The following GFI1 variants were observed in gnomAD, a reference collection of about 807,000 sequenced individuals.
GFI1 encodes the protein zinc finger protein Gfi-1.
GFI1 carries 15 observed loss-of-function variants against 39.2 expected under a neutral mutation model. The ratio of observed to expected loss-of-function variants is 0.38; its 90% CI spans 0.26 to 0.59. The LOEUF (loss-of-function observed/expected upper bound fraction) is 0.59. Among genes scored for constraint, GFI1 ranks in the 20% least tolerant of loss-of-function variants. The pLI is 0.62. For missense variants in GFI1, 475 were observed against 574.0 expected (o/e 0.83, Z 1.76); for synonymous variants, 239 against 254.3 (o/e 0.94, Z 0.57).
At position 92,473,177 on chromosome 1, in the gene GFI1, CAAAAAAA is replaced by C. The variant is rs55814509; in HGVS notation, c.*2845_*2851del. Among the ~76,000 whole-genome samples the C allele has an allele frequency of 9.2e-6, 1 of 108,990 alleles. No homozygotes were observed. The highest frequency in any genetic ancestry group is 2.0e-5 in the Non-Finnish European group (1 of 51,042). 71.5% of individuals were successfully genotyped at this position (108,990 alleles called of 152,430 possible). On this transcript the variant is annotated 3_prime_UTR_variant, in exon 7 of 7. Transcript: ENST00000294702. Reference sequence around the variant, plus strand: ...GGGGATATCAAGATACATTTTTTACCAAAAAAAAAAAAAAAAGGCATACAGTTAACAT... The same window carrying C: ...GGGGATATCAAGATACATTTTTTACCAAAAAAAAAGGCATACAGTTAACAT...
chr1:92,480,251 G>T lies in GFI1; in HGVS notation c.924+97C>A. ...GGGGGAGGAAACTGGGGGAAGTCGAGGAGAAAACTTCCAGGCAGAGAGTGG... is the reference window on the plus strand; with the variant it reads ...GGGGGAGGAAACTGGGGGAAGTCGATGAGAAAACTTCCAGGCAGAGAGTGG... On this transcript the variant is annotated intron_variant, in intron 5 of 6. Coordinates refer to ENST00000294702, the MANE Select transcript of GFI1 (RefSeq NM_005263.5). This position sits in a 1 kb window ranked among gnomAD's most constrained non-coding sequence, Gnocchi z 5.6. The T allele has an allele frequency of 7.4e-7, 1 of 1,342,756 alleles. No individual in the cohort carries two copies. Among genetic ancestry groups the T allele is most frequent in the Non-Finnish European group, 1.0e-6 (1 of 972,658 alleles). The allele number at this position is 1,342,756 out of a possible 1,614,324, so 83.2% of individuals were successfully genotyped here.
At chr1:92,483,673 G>A (rs1209977870) in intron 1 of GFI1, 87 bp from the exon 2 acceptor site, 20 of 648,310 alleles carry the variant, frequency 3.1e-5, no homozygotes, top group Non-Finnish European at 5.1e-5. Flanking sequence ...GAGAGCGCGG[G>A]CCAGGGAGGC....
In GFI1 at chr1:92,480,804, G is replaced by T; in HGVS notation, c.583C>A (p.Pro195Thr). The T allele has an allele frequency of 6.3e-7, 1 of 1,585,704 alleles. No individual in the cohort carries two copies. The highest frequency in any genetic ancestry group is 2.0e-4 in the Middle Eastern group (1 of 4,978). The change falls in exon 4 of 7, where the codon CCT (proline) becomes ACT (threonine). Residue 195 changes from proline to threonine, a missense_variant. By Grantham distance (38) the Pro-to-Thr change is conservative. Coordinates refer to ENST00000294702, the MANE Select transcript of GFI1 (RefSeq NM_005263.5). The surrounding 1 kb of genome is among the most constrained non-coding windows in gnomAD (Gnocchi z 5.6). ...AAGTCGCCGTAGAGCCCTAGGCCAGGGCCAGCGGTGGCACCGGCCCCTGCG... is the reference window on the plus strand; with the variant it reads ...AAGTCGCCGTAGAGCCCTAGGCCAGTGCCAGCGGTGGCACCGGCCCCTGCG... ...CSAGAGATAG[P>T]GLGLYGDFGS...
intron 1 of GFI1, 86 bp from the exon 2 acceptor site, chr1:92,483,672 G>A (rs1257951511): frequency 3.1e-6 from 2 of 648,414 alleles, no homozygotes; most frequent in Non-Finnish European, 2.8e-6. Flanking sequence ...GGAGAGCGCG[G>A]GCCAGGGAGG....
rs1445896884 is a variant in GFI1 at position 92,473,384 on chromosome 1, T to C, written c.*2645A>G. 2.6e-5 allele frequency among the ~76,000 whole-genome samples: 4 copies of C among 152,158 alleles called. No individual in the cohort carries two copies. In the East Asian group the frequency reaches 7.7e-4, roughly 29 times the overall value. On this transcript the variant is annotated 3_prime_UTR_variant, in exon 7 of 7. Transcript: ENST00000294702. ...AACCAGGTTGGAAATAACCAACCAGTACACAGGGTGACTTCTGTGGGAAGG... is the reference window on the plus strand; with the variant it reads ...AACCAGGTTGGAAATAACCAACCAGCACACAGGGTGACTTCTGTGGGAAGG...
chr1:92,479,312 G>C (rs994555607), intron 5 of GFI1, among the ~76,000 whole-genome samples: 3 of 152,176 alleles, frequency 2.0e-5, no homozygotes, highest in Admixed American at 1.3e-4. Context: ...TCAGTCACTT[G>C]AGATGCCACC....
At chr1:92,477,459 C>G (rs1267184480) in intron 6 of GFI1, among the ~76,000 whole-genome samples, 1 of 152,198 alleles carries the variant, frequency 6.6e-6, no homozygotes, top group East Asian at 1.9e-4. Context: ...TTAGAATACA[C>G]TGTGATTTGT....
Position 92,480,462 on chromosome 1 carries a change from G to A in GFI1, c.810C>T (p.Leu270=). ...CSKVFSTPHG[L]EVHVRRSHSG... ...TGTGGGACCTGCGCACGTGCACCTC[G>A]AGCCCGTGCGGCGTGGAGAACACCT... Residue 270 remains leucine (L), a synonymous_variant, in exon 5 of 7, where the codon CTC becomes CTT. Transcript: ENST00000294702. This position sits in a 1 kb window ranked among gnomAD's most constrained non-coding sequence, Gnocchi z 5.6. The A allele has an allele frequency of 1.3e-6, 2 of 1,550,264 alleles. No individual in the cohort carries two copies. The highest frequency in any genetic ancestry group is 1.7e-6 in the Non-Finnish European group (2 of 1,146,620).
At chr1:92,479,704 T>C (rs1357964685) in intron 5 of GFI1, among the ~76,000 whole-genome samples, 11 of 152,052 alleles carry the variant, frequency 7.2e-5, no homozygotes, top group Admixed American at 7.2e-4. Flanking sequence ...ACACAAAAAT[T>C]AGCTGTGCTG....
chr1:92,479,965 G>A (rs1240870265), intron 5 of GFI1, among the ~76,000 whole-genome samples: 1 of 152,174 alleles, frequency 6.6e-6, no homozygotes, highest in Non-Finnish European at 1.5e-5. Context: ...TTTCAGTCGA[G>A]AGGGGTCAAT....
Position 92,483,527 on chromosome 1 carries a change from T to G in GFI1, c.-40A>C. ...TTCCCCACTGCGCCCCAAGAGTCCC[T>G]GGAGCCGCTGTCACCCACGGTCACT... On this transcript the variant is annotated 5_prime_UTR_variant, in exon 2 of 7. Coordinates refer to ENST00000294702, the MANE Select transcript of GFI1 (RefSeq NM_005263.5). The G allele has an allele frequency of 8.4e-7, 1 of 1,189,860 alleles. No individual in the cohort carries two copies. The allele number at this position is 1,189,860 out of a possible 1,614,324, so 73.7% of individuals were successfully genotyped here.
rs1657869037 is a variant in GFI1, at chr1:92,474,562, A to ATGAAAGAAGT, written c.*1457_*1466dup. ...CCTAGTTTTTCTCTTATGAAAGAAG[A>ATGAAAGAAGT]TGAAAGAAGTATCTCTGAGGTGTAG... is the stretch of plus-strand genomic sequence containing the variant. On this transcript the variant is annotated 3_prime_UTR_variant, in exon 7 of 7. Transcript: ENST00000294702. 6.6e-6 allele frequency among the ~76,000 whole-genome samples: 1 copy of ATGAAAGAAGT among 152,226 alleles called. No homozygotes were observed. The highest frequency in any genetic ancestry group is 2.4e-5 in the African/African-American group (1 of 41,462).
chr1:92,475,781 A>G lies in GFI1; in HGVS notation c.*248T>C. 1.8e-6 allele frequency: 1 copy of G among 541,256 alleles called. No individual in the cohort carries two copies. Among genetic ancestry groups the G allele is most frequent in the Non-Finnish European group, 3.3e-6 (1 of 299,230 alleles). 33.5% of individuals were successfully genotyped at this position (541,256 alleles called of 1,614,324 possible). On this transcript the variant is annotated 3_prime_UTR_variant, in exon 7 of 7. Coordinates refer to ENST00000294702, the MANE Select transcript of GFI1 (RefSeq NM_005263.5). ...TTTGTCTTCAGGTGTAGAGGAGCCT[A>G]TTTGTGTCCGAAGCCTAGAGAGTCA...
rs7547145 is a variant in GFI1, at chr1:92,482,025, G to A, written c.298+839C>T. 6.8e-3 allele frequency among the ~76,000 whole-genome samples: 1,037 copies of A among 151,958 alleles called. 16 individuals carry two copies. The highest frequency in any genetic ancestry group is 0.024 in the African/African-American group (990 of 41,428). The stretch of plus-strand genomic sequence containing the variant: ...CCCGGAGTTTCGTTCGGAGGGGTTC[G>A]GGGCGCGCCCAATCCTTGTCTGGCC... On this transcript the variant is annotated intron_variant, in intron 3 of 6. Transcript: ENST00000294702. The surrounding 1 kb of genome is among the most constrained non-coding windows in gnomAD (Gnocchi z 4.4).
intron 1 of GFI1, chr1:92,486,065 T>C (rs1658514271): frequency 6.6e-6 from 1 of 152,130 alleles, no homozygotes; most frequent in Admixed American, 6.5e-5. Flanking sequence ...AAACGGAATC[T>C]TGCTTTCGGG....
intron 5 of GFI1, among the ~76,000 whole-genome samples, chr1:92,479,660 TG>T (rs1415867272): frequency 6.6e-6 from 1 of 152,170 alleles, no homozygotes; most frequent in Non-Finnish European, 1.5e-5. Flanking sequence ...GTGACCAGCC[TG>T]GCTAACGTGG....
chr1:92,483,238 A>T, intron 2 of GFI1, 135 bp downstream of exon 2: 1 of 733,012 alleles, frequency 1.4e-6, no homozygotes, highest in Non-Finnish European at 2.3e-6. Flanking sequence ...ACCCGGAGGA[A>T]CCAGGACAGT....
Position 92,480,274 on chromosome 1 carries a change from T to C in GFI1, c.924+74A>G, listed in dbSNP as rs1178351706. 5 of 1,476,326 alleles carry C rather than the reference T, an allele frequency of 3.4e-6. No individual in the cohort carries two copies. Among genetic ancestry groups the C allele is most frequent in the Non-Finnish European group, 4.6e-6 (5 of 1,092,948 alleles). The allele number at this position is 1,476,326 out of a possible 1,614,324, so 91.5% of individuals were successfully genotyped here. ...GAGGAGAAAACTTCCAGGCAGAGAG[T>C]GGCTGGTGCTGCACCGAGGAGATGC... On this transcript the variant is annotated intron_variant, in intron 5 of 6. Transcript: ENST00000294702. This position sits in a 1 kb window ranked among gnomAD's most constrained non-coding sequence, Gnocchi z 5.6.
rs375542251 is a variant in GFI1 at position 92,482,428 on chromosome 1, C to CA, written c.298+435_298+436insT. ...GCGGGCTGAGATTTTCGTCCTGCCCCCTCCCTGCCGCCCAGCGCCTAGCTC... is the reference window on the plus strand; with the variant it reads ...GCGGGCTGAGATTTTCGTCCTGCCCCACTCCCTGCCGCCCAGCGCCTAGCTC... On this transcript the variant is annotated intron_variant, in intron 3 of 6. Coordinates refer to ENST00000294702, the MANE Select transcript of GFI1 (RefSeq NM_005263.5). The surrounding 1 kb of genome is among the most constrained non-coding windows in gnomAD (Gnocchi z 4.4). Among the ~76,000 whole-genome samples, 1 of 151,760 alleles carries CA rather than the reference C, an allele frequency of 6.6e-6. No individual in the cohort carries two copies. Among genetic ancestry groups the CA allele is most frequent in the African/African-American group, 2.4e-5 (1 of 41,342 alleles).
Sources: gnomAD v4.1 joint callset for allele counts (sites outside exome capture counted in the v4.1 genomes callset) on GRCh38, gnomAD v4.1.1 for gene constraint, Gnocchi (gnomAD v3.1) non-coding constraint, MANE v1.5 for transcripts, NCBI Gene and HGNC (gene_info 2026-07-23, HGNC 2026-07-21) for gene names.